The following ADAMTSL3 variants were observed in gnomAD, a reference collection of about 807,000 sequenced individuals.
ADAMTSL3 encodes ADAMTS like 3.
In ADAMTSL3, 128 loss-of-function variants were observed where a neutral mutation model predicts 201.7. The observed-to-expected ratio is 0.63, with a 90% CI of 0.55 to 0.73. ADAMTSL3 has a LOEUF of 0.73. Among genes scored for constraint, ADAMTSL3 ranks in the 30% least tolerant of loss-of-function variants. ADAMTSL3 has a pLI of 0.00. For missense variants in ADAMTSL3, 1,990 were observed against 2,119.6 expected (o/e 0.94, Z 1.20); for synonymous variants, 738 against 748.4 (o/e 0.99, Z 0.23).
intron 20 of ADAMTSL3, among the ~76,000 whole-genome samples, chr15:83,977,640 G>A (rs1351688845): frequency 1.3e-5 from 2 of 152,160 alleles, no homozygotes; most frequent in African/African-American, 4.8e-5. Context: ...TCTTCATGAA[G>A]TGAGTGATTA....
At position 83,801,651 on chromosome 15, in the gene ADAMTSL3, A is replaced by AATATATATATATATATATATATATATAT. The variant is rs68098545; in HGVS notation, c.318-2982_318-2955dup. Among the ~76,000 whole-genome samples the AATATATATATATATATATATATATATAT allele has an allele frequency of 3.5e-4, 11 of 31,280 alleles. 1 individual carries two copies. The highest frequency in any genetic ancestry group is 6.0e-4 in the Non-Finnish European group (9 of 14,976). 20.5% of individuals were successfully genotyped at this position (31,280 alleles called of 152,430 possible). A position where few individuals can be genotyped will look rare whatever the true frequency, so the allele number is the denominator to read the frequency against. On this transcript the variant is annotated intron_variant, in intron 4 of 29. Transcript: ENST00000286744. The stretch of plus-strand genomic sequence containing the variant: ...TTATATATATAAATATATAAATATA[A>AATATATATATATATATATATATATATAT]ATATATATATATATATATATATATA...
intron 2 of ADAMTSL3, among the ~76,000 whole-genome samples, chr15:83,657,120 G>A (rs182595189): frequency 2.6e-5 from 4 of 152,222 alleles, no homozygotes; most frequent in Non-Finnish European, 5.9e-5. Context: ...AGGTAAAAGC[G>A]TGGAGACTTA....
chr15:83,914,874 T>G (rs997665264), intron 16 of ADAMTSL3, among the ~76,000 whole-genome samples: 2 of 151,898 alleles, frequency 1.3e-5, no homozygotes, highest in East Asian at 1.9e-4. Flanking sequence ...TGTTTGTTTG[T>G]TTTTTGTTTT....
chr15:83,715,664 A>T (rs1178118230), intron 3 of ADAMTSL3, among the ~76,000 whole-genome samples: 2 of 152,164 alleles, frequency 1.3e-5, no homozygotes, highest in Non-Finnish European at 2.9e-5. Flanking sequence ...ATATTTGTTG[A>T]AGATTATACC....
chr15:83,657,016 C>G (rs986035564), intron 2 of ADAMTSL3, among the ~76,000 whole-genome samples: 4 of 152,150 alleles, frequency 2.6e-5, no homozygotes, highest in African/African-American at 9.7e-5. Flanking sequence ...TCGATACTAT[C>G]CCATAATCAT....
intron 6 of ADAMTSL3, among the ~76,000 whole-genome samples, chr15:83,830,690 A>G (rs1379926823): frequency 1.3e-5 from 2 of 152,174 alleles, no homozygotes; most frequent in East Asian, 3.9e-4. Flanking sequence ...TTATTTTCTC[A>G]CACTTCTAGA....
At chr15:83,861,167 C>T (rs2064848937) in intron 8 of ADAMTSL3, among the ~76,000 whole-genome samples, 1 of 152,044 alleles carries the variant, frequency 6.6e-6, no homozygotes, top group South Asian at 2.1e-4. Flanking sequence ...TCCACCTACT[C>T]CACCTAGGGG....
At chr15:83,714,383 A>G (rs2061971319) in intron 3 of ADAMTSL3, among the ~76,000 whole-genome samples, 1 of 152,198 alleles carries the variant, frequency 6.6e-6, no homozygotes, top group African/African-American at 2.4e-5. Flanking sequence ...GCACATTTCT[A>G]GGCCAGGTGT....
chr15:83,807,681 AAAAC>A (rs752957423), intron 5 of ADAMTSL3, among the ~76,000 whole-genome samples: 11 of 152,330 alleles, frequency 7.2e-5, no homozygotes, highest in East Asian at 1.9e-4. Flanking sequence ...ATCTTGATTA[AAAAC>A]AAACAAACAC....
At chr15:83,788,445 A>G (rs1025559802) in intron 4 of ADAMTSL3, among the ~76,000 whole-genome samples, 4 of 152,138 alleles carry the variant, frequency 2.6e-5, no homozygotes, top group African/African-American at 9.7e-5. Context: ...GCTTATCTGA[A>G]AAGATCTTTA....
At position 83,753,446 on chromosome 15, in the gene ADAMTSL3, C is replaced by G. The variant is rs1383326757; in HGVS notation, c.190-20077C>G. On this transcript the variant is annotated intron_variant, in intron 3 of 29. Transcript: ENST00000286744. ...AACAATGCACTGGCTTCTTTCATTA[C>G]TTACTTTGGTAGCTGTCAAATAATA... Among the ~76,000 whole-genome samples the G allele has an allele frequency of 4.6e-5, 7 of 152,280 alleles. No homozygotes were observed. The East Asian group carries it at 1.3e-3, about 29-fold the overall frequency.
intron 23 of ADAMTSL3, among the ~76,000 whole-genome samples, chr15:83,999,989 T>G (rs2067762848): frequency 6.6e-6 from 1 of 152,136 alleles, no homozygotes; most frequent in African/African-American, 2.4e-5. Context: ...CAACTGCTAG[T>G]TTATATTATA....
intron 17 of ADAMTSL3, among the ~76,000 whole-genome samples, chr15:83,936,544 G>C (rs930122933): frequency 1.3e-5 from 2 of 150,780 alleles, no homozygotes; most frequent in African/African-American, 5.0e-5. Flanking sequence ...AACATTTATA[G>C]TTATGCTATA....
intron 16 of ADAMTSL3, among the ~76,000 whole-genome samples, chr15:83,919,016 C>G (rs903345771): frequency 1.3e-5 from 2 of 152,046 alleles, no homozygotes; most frequent in Non-Finnish European, 2.9e-5. Flanking sequence ...AGTCTGAGTC[C>G]TAAGACTATT....
intron 19 of ADAMTSL3, among the ~76,000 whole-genome samples, chr15:83,948,723 TATTC>T (rs2066704084): frequency 6.6e-6 from 1 of 152,192 alleles, no homozygotes; most frequent in South Asian, 2.1e-4. Flanking sequence ...TATGTTCAGA[TATTC>T]TTTCTGTGAA....
intron 8 of ADAMTSL3, chr15:83,862,201 T>C (rs2064878586): frequency 6.6e-6 from 1 of 152,158 alleles, no homozygotes; most frequent in Non-Finnish European, 1.5e-5. Flanking sequence ...CTCTGCAGGG[T>C]ATTATCCAGG....
intron 2 of ADAMTSL3, among the ~76,000 whole-genome samples, chr15:83,684,591 C>A (rs998922418): frequency 1.3e-5 from 2 of 151,940 alleles, no homozygotes; most frequent in African/African-American, 2.4e-5. Flanking sequence ...AAAAAAACAA[C>A]CAAAAAACCC....
chr15:83,840,271 G>T (rs2064348739), intron 7 of ADAMTSL3, among the ~76,000 whole-genome samples: 1 of 152,200 alleles, frequency 6.6e-6, no homozygotes, highest in South Asian at 2.1e-4. Flanking sequence ...GGGGTGGCCA[G>T]CAATGTTAAA....
chr15:83,824,989 G>A (rs2063990959), intron 6 of ADAMTSL3: 1 of 152,186 alleles, frequency 6.6e-6, no homozygotes, highest in Non-Finnish European at 1.5e-5. Flanking sequence ...TGCTGCCAAA[G>A]TGAGCACAAT....
Sources: allele counts gnomAD v4.1 joint callset (sites outside exome capture counted in the v4.1 genomes callset), GRCh38; gene constraint gnomAD v4.1.1; transcripts MANE v1.5; gene names NCBI Gene and HGNC (gene_info 2026-07-23, HGNC 2026-07-21).